VWA8: variants seen among roughly 807,000 people sequenced by gnomAD.
VWA8 encodes the protein von Willebrand factor A domain containing 8, also known as von Willebrand factor A domain-containing protein 8.
Under a neutral mutation model 241.5 loss-of-function variants are expected in VWA8, and 221 were observed. The ratio of observed to expected loss-of-function variants is 0.91; its 90% CI spans 0.82 to 1.02. The LOEUF is 1.02. Ranked by LOEUF, VWA8 falls within the 50% of genes least tolerant of loss-of-function variation. The probability of loss-of-function intolerance (pLI) is 0.00; values close to 1 mark genes in which losing one functional copy is unlikely to be tolerated. For synonymous variants in VWA8, 852 were observed against 827.1 expected, an observed-to-expected ratio of 1.03 and a Z score of -0.52; for missense variants, 2,322 against 2,328.7, an observed-to-expected ratio of 1.00 and a Z score of 0.06.
chr13:41,793,478 T>G (rs1372643796), intron 17 of VWA8, among the ~76,000 whole-genome samples: 2 of 152,152 alleles, frequency 1.3e-5, no homozygotes, highest in African/African-American at 4.8e-5. Context: ...CTAAGATTCA[T>G]AGGTTGAAAT....
chr13:41,848,799 T>C (rs1183831928), intron 12 of VWA8, among the ~76,000 whole-genome samples: 1 of 152,228 alleles, frequency 6.6e-6, no homozygotes, highest in Non-Finnish European at 1.5e-5. Context: ...GCATAGTGAC[T>C]ATCATTCCTC....
At chr13:41,802,591 T>C (rs1870009873) in intron 17 of VWA8, among the ~76,000 whole-genome samples, 1 of 152,134 alleles carries the variant, frequency 6.6e-6, no homozygotes, top group African/African-American at 2.4e-5. Flanking sequence ...TTCCTTCCAC[T>C]GAAGGAAAGG....
intron 39 of VWA8, among the ~76,000 whole-genome samples, chr13:41,606,775 A>G (rs1432766350): frequency 6.6e-6 from 1 of 152,182 alleles, no homozygotes; most frequent in Admixed American, 6.5e-5. Flanking sequence ...CTAGACTACC[A>G]TGGGGCAGAC....
chr13:41,853,964 A>C (rs1872630364), intron 12 of VWA8, among the ~76,000 whole-genome samples: 1 of 151,944 alleles, frequency 6.6e-6, no homozygotes, highest in Non-Finnish European at 1.5e-5. Context: ...CATCAATTCC[A>C]AGATATACAT....
At chr13:41,801,254 A>G (rs757448002) in intron 17 of VWA8, among the ~76,000 whole-genome samples, 50 of 152,090 alleles carry the variant, frequency 3.3e-4, no homozygotes, top group Non-Finnish European at 5.9e-4. Flanking sequence ...ATATTTAATA[A>G]AAGAATCAAT....
chr13:41,795,025 T>C (rs563441599), intron 17 of VWA8, among the ~76,000 whole-genome samples: 1 of 152,128 alleles, frequency 6.6e-6, no homozygotes, highest in African/African-American at 2.4e-5. Context: ...ACATCCAGAA[T>C]GGGAAAAAAA....
intron 14 of VWA8, 47 bp downstream of exon 14, chr13:41,830,482 T>C: frequency 6.9e-7 from 1 of 1,452,188 alleles, no homozygotes; most frequent in South Asian, 1.2e-5. Context: ...AGTATTATTT[T>C]TAACTTAACA....
intron 1 of VWA8, among the ~76,000 whole-genome samples, chr13:41,952,560 T>G (rs1878182090): frequency 6.6e-6 from 1 of 152,162 alleles, no homozygotes; most frequent in African/African-American, 2.4e-5. Flanking sequence ...AGACTGTAAT[T>G]ATTTGGCCTC....
intron 3 of VWA8, among the ~76,000 whole-genome samples, chr13:41,910,868 A>C (rs935286225): frequency 7.9e-5 from 12 of 152,172 alleles, no homozygotes; most frequent in African/African-American, 2.9e-4. Context: ...AGAGTGTACA[A>C]GGTAGATTTC....
At chr13:41,586,020 T>C (rs2044415734) in intron 42 of VWA8, among the ~76,000 whole-genome samples, 1 of 151,920 alleles carries the variant, frequency 6.6e-6, no homozygotes, top group African/African-American at 2.4e-5. Flanking sequence ...AGGTAGGATA[T>C]GGGTATTTAT....
chr13:41,880,181 T>G (rs1269373488), intron 9 of VWA8, among the ~76,000 whole-genome samples: 1 of 152,222 alleles, frequency 6.6e-6, no homozygotes, highest in African/African-American at 2.4e-5. Flanking sequence ...AAATGAAAGC[T>G]CTATAGCAAT....
chr13:41,877,476 T>G (rs1225320777), intron 9 of VWA8, among the ~76,000 whole-genome samples: 1 of 152,096 alleles, frequency 6.6e-6, no homozygotes, highest in Non-Finnish European at 1.5e-5. Context: ...ATATTGTAAC[T>G]TCCTCAGGAG....
intron 40 of VWA8, among the ~76,000 whole-genome samples, chr13:41,595,990 T>C (rs542993035): frequency 6.6e-6 from 1 of 152,310 alleles, no homozygotes; most frequent in African/African-American, 2.4e-5. Flanking sequence ...ACACTTGATA[T>C]TGACAGCTTA....
At chr13:41,644,555 T>G (rs1335987888) in intron 37 of VWA8, among the ~76,000 whole-genome samples, 1 of 152,196 alleles carries the variant, frequency 6.6e-6, no homozygotes, top group African/African-American at 2.4e-5. Flanking sequence ...CTGTGCACTT[T>G]AGGTTAACTG....
intron 2 of VWA8, among the ~76,000 whole-genome samples, chr13:41,939,462 G>GT (rs1877498681): frequency 6.6e-6 from 1 of 152,006 alleles, no homozygotes; most frequent in South Asian, 2.1e-4. Flanking sequence ...AAGGCAGGAG[G>GT]TAACAAGACC....
chr13:41,805,589 A>C (rs1358175504), intron 17 of VWA8, among the ~76,000 whole-genome samples: 1 of 151,928 alleles, frequency 6.6e-6, no homozygotes, highest in African/African-American at 2.4e-5. Context: ...TGAGATGGGC[A>C]GATCACCTGA....
intron 42 of VWA8, among the ~76,000 whole-genome samples, 194 bp downstream of exon 42, chr13:41,587,317 AG>A (rs2044425083): frequency 6.6e-6 from 1 of 152,196 alleles, no homozygotes; most frequent in Admixed American, 6.5e-5. Context: ...TTTCTTCTGT[AG>A]TAATCAGACT....
intron 37 of VWA8, among the ~76,000 whole-genome samples, chr13:41,664,860 G>A (rs1197259057): frequency 6.6e-6 from 1 of 152,076 alleles, no homozygotes; most frequent in Non-Finnish European, 1.5e-5. Context: ...CTGTTCTCAG[G>A]ACTCAGAGTA....
intron 41 of VWA8, among the ~76,000 whole-genome samples, chr13:41,589,708 A>G (rs1810082012): frequency 6.6e-6 from 1 of 152,204 alleles, no homozygotes; most frequent in South Asian, 2.1e-4. Flanking sequence ...AACTGAACTC[A>G]TATCACAGGA....
Sources: allele counts gnomAD v4.1 joint callset (sites outside exome capture counted in the v4.1 genomes callset), GRCh38; gene constraint gnomAD v4.1.1; transcripts MANE v1.5; gene names NCBI Gene and HGNC (gene_info 2026-07-23, HGNC 2026-07-21).